The following ANO10 variants were observed in gnomAD, a reference collection of about 807,000 sequenced individuals.
ANO10 encodes anoctamin-10.
ANO10 carries 77 observed loss-of-function variants against 74.7 expected under a neutral mutation model. The observed-to-expected ratio is 1.03, with a 90% CI of 0.86 to 1.25. ANO10 has a LOEUF of 1.25. Ranked by LOEUF, ANO10 falls within the 50% of genes most tolerant of loss-of-function variation. The pLI is 0.00. For missense variants in ANO10, 721 were observed against 778.1 expected, an observed-to-expected ratio of 0.93 and a Z score of 0.87; for synonymous variants, 279 against 284.9, an observed-to-expected ratio of 0.98 and a Z score of 0.21.
At position 43,366,784 on chromosome 3, in the gene ANO10, G is replaced by T; in HGVS notation, c.*122C>A. ...TTGCCACATGGGAGCCACTTCGTTT[G>T]GCTAAGCATTGGGTCTGGGTTCAGG... is the stretch of plus-strand genomic sequence containing the variant. On this transcript the variant is annotated 3_prime_UTR_variant, in exon 13 of 13. Coordinates refer to ENST00000292246, the MANE Select transcript of ANO10 (RefSeq NM_018075.5). The T allele has an allele frequency of 2.0e-6, 2 of 1,012,896 alleles. No homozygotes were observed. The highest frequency in any genetic ancestry group is 3.0e-6 in the Non-Finnish European group (2 of 663,478). The allele number at this position is 1,012,896 out of a possible 1,614,324, so 62.7% of individuals were successfully genotyped here. A position where few individuals can be genotyped will look rare whatever the true frequency, so the allele number is the denominator to read the frequency against.
intron 7 of ANO10, among the ~76,000 whole-genome samples, chr3:43,572,296 C>G (rs749334812): frequency 6.6e-6 from 1 of 152,192 alleles, no homozygotes; most frequent in Non-Finnish European, 1.5e-5. Context: ...GGGCCTGGGA[C>G]TCCCCTGCTC....
At chr3:43,464,773 T>C (rs1026924037) in intron 11 of ANO10, among the ~76,000 whole-genome samples, 1 of 152,170 alleles carries the variant, frequency 6.6e-6, no homozygotes, top group Non-Finnish European at 1.5e-5. Context: ...ATCATATCAA[T>C]ATATACAGAA....
intron 7 of ANO10, 116 bp downstream of exon 7, chr3:43,574,693 G>C (rs1482219779): frequency 1.2e-6 from 1 of 842,730 alleles, no homozygotes; most frequent in Non-Finnish European, 2.0e-6. Flanking sequence ...TTGCCTATTT[G>C]CACAAAATAT....
At chr3:43,673,125 A>G (rs757338085) in intron 1 of ANO10, among the ~76,000 whole-genome samples, 1 of 152,216 alleles carries the variant, frequency 6.6e-6, no homozygotes, top group Non-Finnish European at 1.5e-5. Context: ...TGTGGAATCA[A>G]TGATGGGTGA....
intron 11 of ANO10, among the ~76,000 whole-genome samples, chr3:43,448,965 G>A (rs372994701): frequency 2.0e-5 from 3 of 149,378 alleles, no homozygotes; most frequent in African/African-American, 4.9e-5. Flanking sequence ...TCTGCCTCCC[G>A]GGTTCAAGTG....
At chr3:43,560,965 A>C (rs2080001740) in intron 9 of ANO10, among the ~76,000 whole-genome samples, 1 of 152,208 alleles carries the variant, frequency 6.6e-6, no homozygotes, top group Admixed American at 6.5e-5. Context: ...TGCTCTCCGC[A>C]AAGCAAAGCA....
chr3:43,632,664 C>T (rs1426690494), intron 1 of ANO10, among the ~76,000 whole-genome samples: 1 of 152,222 alleles, frequency 6.6e-6, no homozygotes, highest in African/African-American at 2.4e-5. Flanking sequence ...ATGCATTGGA[C>T]ATGTTTTGCT....
At chr3:43,574,765 T>C (rs781326851) in intron 7 of ANO10, 44 bp downstream of exon 7, 22 of 1,423,188 alleles carry the variant, frequency 1.5e-5, no homozygotes, top group Non-Finnish European at 2.2e-5. Context: ...ATGTAGTATA[T>C]ACCAGTTTCA....
At chr3:43,524,223 C>A (rs1247790936) in intron 11 of ANO10, among the ~76,000 whole-genome samples, 1 of 6,130 alleles carries the variant, frequency 1.6e-4, no homozygotes, top group African/African-American at 2.5e-4. Flanking sequence ...AACCAGGAAA[C>A]GAATCCCTCA....
chr3:43,649,366 T>G (rs747060306), intron 1 of ANO10, among the ~76,000 whole-genome samples: 1 of 152,234 alleles, frequency 6.6e-6, no homozygotes, highest in African/African-American at 2.4e-5. Flanking sequence ...AAACATTAAA[T>G]AACATATACT....
At chr3:43,658,342 C>T (rs933980332) in intron 1 of ANO10, among the ~76,000 whole-genome samples, 1 of 152,142 alleles carries the variant, frequency 6.6e-6, no homozygotes, top group Non-Finnish European at 1.5e-5. Flanking sequence ...TGGTTCAGTA[C>T]ATTGTAGTAT....
chr3:43,588,169 G>A (rs1191604441), intron 4 of ANO10, among the ~76,000 whole-genome samples: 1 of 152,208 alleles, frequency 6.6e-6, no homozygotes, highest in East Asian at 1.9e-4. Flanking sequence ...TCCAGAACTT[G>A]TATTGTTAAT....
At chr3:43,555,538 C>A in intron 9 of ANO10, 69 bp from the exon 10 acceptor site, 2 of 1,485,976 alleles carry the variant, frequency 1.3e-6, no homozygotes, top group South Asian at 2.4e-5. Flanking sequence ...CAATACTAAT[C>A]AAAGCTGTGG....
intron 1 of ANO10, chr3:43,653,186 G>C (rs1301528809): frequency 1.3e-5 from 2 of 151,966 alleles, no homozygotes; most frequent in African/African-American, 4.8e-5. Flanking sequence ...ACTCCAGCCT[G>C]GTGACAGAGC....
chr3:43,685,925 T>C (rs1347559254), intron 1 of ANO10, among the ~76,000 whole-genome samples: 1 of 152,244 alleles, frequency 6.6e-6, no homozygotes, highest in Non-Finnish European at 1.5e-5. Flanking sequence ...CACGATGTCT[T>C]AGATTTTGAT....
intron 1 of ANO10, among the ~76,000 whole-genome samples, chr3:43,666,467 T>C (rs931137124): frequency 3.3e-5 from 5 of 152,192 alleles, no homozygotes; most frequent in Non-Finnish European, 7.3e-5. Context: ...CAGTATTCTA[T>C]ACATTTTCTT....
At chr3:43,563,542 C>T (rs1034666079) in intron 8 of ANO10, among the ~76,000 whole-genome samples, 5 of 151,368 alleles carry the variant, frequency 3.3e-5, no homozygotes, top group African/African-American at 9.7e-5. Flanking sequence ...CAAACGGACA[C>T]CTGCACCCCC....
chr3:43,446,574 T>C (rs1471643), intron 11 of ANO10, among the ~76,000 whole-genome samples: 33,864 of 152,176 alleles, frequency 0.22, 4,308 homozygotes, highest in Middle Eastern at 0.36. Flanking sequence ...GTTCTTAAGA[T>C]ATGCTTGAGG....
chr3:43,572,069 A>T (rs2080757620), intron 7 of ANO10, among the ~76,000 whole-genome samples: 1 of 152,136 alleles, frequency 6.6e-6, no homozygotes, highest in Non-Finnish European at 1.5e-5. Context: ...GCACGTGCAC[A>T]CCTTAAGTTC....
Sources: gnomAD v4.1 joint callset for allele counts (sites outside exome capture counted in the v4.1 genomes callset) on GRCh38, gnomAD v4.1.1 for gene constraint, MANE v1.5 for transcripts, NCBI Gene and HGNC (gene_info 2026-07-23, HGNC 2026-07-21) for gene names.